The following ZNF468 variants were observed in gnomAD, a reference collection of about 807,000 sequenced individuals.
The protein encoded by ZNF468 is zinc finger protein 468.
A neutral mutation model predicts 7.2 loss-of-function variants in ZNF468; 8 were observed. The ratio of observed to expected loss-of-function variants is 1.11; its 90% CI spans 0.65 to 2.01. The LOEUF is 2.01. Among genes scored for constraint, ZNF468 ranks in the 30% most tolerant of loss-of-function variants. The probability of loss-of-function intolerance (pLI) is 0.00; values close to 1 mark genes in which losing one functional copy is unlikely to be tolerated. For synonymous variants in ZNF468, 218 were observed against 214.4 expected (o/e 1.02, Z -0.15); for missense variants, 608 against 626.5 (o/e 0.97, Z 0.31).
chr19:52,840,388 TA>T lies in ZNF468; in HGVS notation c.*336del. The T allele has an allele frequency of 1.9e-6, 1 of 533,892 alleles. No individual in the cohort carries two copies. The highest frequency in any genetic ancestry group is 3.5e-6 in the Non-Finnish European group (1 of 286,802). 33.1% of individuals were successfully genotyped at this position (533,892 alleles called of 1,614,324 possible). On this transcript the variant is annotated 3_prime_UTR_variant, in exon 4 of 4. Transcript: ENST00000595646. ...GGTCTTGCCACACTCATTACACTTATAATGAGTTTCTCTCCAGTGTGAATTC... is the reference window on the plus strand; with the variant it reads ...GGTCTTGCCACACTCATTACACTTATATGAGTTTCTCTCCAGTGTGAATTC...
intron 2 of ZNF468, 58 bp from the exon 3 acceptor site, chr19:52,849,271 A>C (rs1234505493): frequency 6.2e-7 from 1 of 1,610,692 alleles, no homozygotes; most frequent in Non-Finnish European, 8.5e-7. Context: ...ATCTTTACAA[A>C]AAATGAGAGG....
At chr19:52,844,044 C>A (rs1282582461) in intron 3 of ZNF468, among the ~76,000 whole-genome samples, 3 of 152,150 alleles carry the variant, frequency 2.0e-5, no homozygotes, top group African/African-American at 7.2e-5. Flanking sequence ...CATTTGAACC[C>A]AGGAGGCGGA....
Position 52,844,885 on chromosome 19 carries a change from C to A in ZNF468, c.143-2734G>T, listed in dbSNP as rs185127048. On this transcript the variant is annotated intron_variant, in intron 3 of 3. Transcript: ENST00000595646. ...GACAGTGAAATGACAGAGACAGGAA[C>A]AGGAGCATCTCATCATCAACATCAC... is the stretch of plus-strand genomic sequence containing the variant. Among the ~76,000 whole-genome samples, 4 of 152,202 alleles carry A rather than the reference C, an allele frequency of 2.6e-5. No homozygotes were observed. In the East Asian group the frequency reaches 5.8e-4, roughly 22 times the overall value.
intron 2 of ZNF468, chr19:52,853,768 T>G: frequency 1.3e-6 from 1 of 784,606 alleles, no homozygotes; most frequent in Non-Finnish European, 1.6e-6. Flanking sequence ...ATTAGTAAGA[T>G]TTTTGGAGTC....
intron 3 of ZNF468, among the ~76,000 whole-genome samples, chr19:52,846,105 A>C (rs1479924350): frequency 6.6e-6 from 1 of 152,190 alleles, no homozygotes; most frequent in South Asian, 2.1e-4. Context: ...ATTTGAAATA[A>C]AAGGCATGAA....
At chr19:52,848,997 T>C in intron 3 of ZNF468, 90 bp downstream of exon 3, 4 of 1,109,058 alleles carry the variant, frequency 3.6e-6, no homozygotes, top group Non-Finnish European at 4.7e-6. Context: ...GCTTCCATTT[T>C]AGTCAAGGAA....
chr19:52,841,172 A>G lies in ZNF468; in HGVS notation c.1122T>C (p.His374=), dbSNP rs568550075. The change falls in exon 4 of 4, where the codon CAT becomes CAC. Residue 374 remains histidine (H), a synonymous_variant. Transcript: ENST00000595646. ...FNRLSTLARH[H]RLHTGEKPYK... is the part of the protein sequence containing the mutation. ...AAGGTTTCTCTCCAGTATGAAGTCT[A>G]TGATGGCGTGCAAGGGTTGATAGTC... 1.9e-6 allele frequency: 3 copies of G among 1,612,558 alleles called. No individual in the cohort carries two copies. Among genetic ancestry groups the G allele is most frequent in the Non-Finnish European group, 2.5e-6 (3 of 1,179,404 alleles).
chr19:52,843,063 G>A (rs1230955651), intron 3 of ZNF468, among the ~76,000 whole-genome samples: 1 of 147,790 alleles, frequency 6.8e-6, no homozygotes, highest in Non-Finnish European at 1.5e-5. Flanking sequence ...AAAGATTGTG[G>A]TGAGTTGAGA....
At chr19:52,853,036 T>C (rs562135852) in intron 2 of ZNF468, among the ~76,000 whole-genome samples, 1 of 151,906 alleles carries the variant, frequency 6.6e-6, no homozygotes, top group East Asian at 2.0e-4. Context: ...TTGTATTTTT[T>C]AATAGAGACA....
rs752092917 is a variant in ZNF468, at chr19:52,841,337, C to T, written c.957G>A (p.Arg319=). 3.1e-6 allele frequency: 5 copies of T among 1,613,854 alleles called. No homozygotes were observed. Among genetic ancestry groups the T allele is most frequent in the Non-Finnish European group, 4.2e-6 (5 of 1,179,954 alleles). The change falls in exon 4 of 4, where the codon AGG becomes AGA. Residue 319 remains arginine (R), a synonymous_variant. Coordinates refer to ENST00000595646, the MANE Select transcript of ZNF468 (RefSeq NM_001008801.2). ...SRKSHLERHK[R]IHTGEKPYKC... is the part of the protein sequence containing the mutation. ...TGTATGGTTTCTCTCCAGTATGAATCCTCTTATGTCTTTCAAGGTGTGATT... is the reference window on the plus strand; with the variant it reads ...TGTATGGTTTCTCTCCAGTATGAATTCTCTTATGTCTTTCAAGGTGTGATT...
intron 3 of ZNF468, chr19:52,846,582 T>C (rs1204458969): frequency 6.5e-6 from 1 of 154,912 alleles, no homozygotes; most frequent in African/African-American, 2.4e-5. Context: ...TCTGCCCAAA[T>C]ATCTGTACAA....
Position 52,849,171 on chromosome 19 carries a change from C to G in ZNF468, c.58G>C (p.Glu20Gln). The G allele has an allele frequency of 6.2e-7, 1 of 1,613,956 alleles. No individual in the cohort carries two copies. The highest frequency in any genetic ancestry group is 8.5e-7 in the Non-Finnish European group (1 of 1,179,910). Reference sequence around the variant, plus strand: ...GCAGGGTCCAGGCATTTCCACTCCTCCTGAGAGAATTCTATGGCCACGTCC... The same window carrying G: ...GCAGGGTCCAGGCATTTCCACTCCTGCTGAGAGAATTCTATGGCCACGTCC... ...FRDVAIEFSQ[E>Q]EWKCLDPAQR... is the part of the protein sequence containing the mutation. The change falls in exon 3 of 4, where the codon GAG (glutamate) becomes CAG (glutamine). Residue 20 changes from glutamate (E) to glutamine (Q), a missense_variant. Physicochemically the swap from Glu to Gln is conservative, Grantham distance 29. Coordinates refer to ENST00000595646, the MANE Select transcript of ZNF468 (RefSeq NM_001008801.2).
intron 2 of ZNF468, among the ~76,000 whole-genome samples, chr19:52,853,547 T>C (rs1188993612): frequency 6.6e-6 from 1 of 151,944 alleles, no homozygotes; most frequent in Non-Finnish European, 1.5e-5. Context: ...AAAAATTAGC[T>C]GGGCGTGGTG....
At chr19:52,853,145 G>A (rs532959375) in intron 2 of ZNF468, among the ~76,000 whole-genome samples, 31 of 152,120 alleles carry the variant, frequency 2.0e-4, no homozygotes, top group East Asian at 5.8e-4. Flanking sequence ...GTGAGCCACC[G>A]CGCGTGGCCC....
chr19:52,849,333 C>T lies in ZNF468; in HGVS notation c.16-120G>A. 3.9e-6 allele frequency: 6 copies of T among 1,554,000 alleles called. No homozygotes were observed. The South Asian group carries it at 7.3e-5, about 19-fold the overall frequency. ...ACTGTAGAGAATGTTCTGACAAATC[C>T]AAATAAGGGATTTCTCACTACATGA... On this transcript the variant is annotated intron_variant, in intron 2 of 3. Transcript: ENST00000595646.
chr19:52,850,489 C>A (rs7257841), intron 2 of ZNF468, among the ~76,000 whole-genome samples: 72,068 of 151,976 alleles, frequency 0.47, 17,692 homozygotes, highest in South Asian at 0.62. Context: ...CATGTAAATT[C>A]ACAATTAGCA....
intron 2 of ZNF468, 77 bp downstream of exon 2, chr19:52,854,181 C>T (rs764279382): frequency 1.9e-6 from 3 of 1,610,556 alleles, no homozygotes; most frequent in Non-Finnish European, 2.5e-6. Flanking sequence ...TCATTCAGAC[C>T]CAGACATTCC....
At chr19:52,848,824 G>A (rs977314118) in intron 3 of ZNF468, among the ~76,000 whole-genome samples, 8 of 152,054 alleles carry the variant, frequency 5.3e-5, no homozygotes, top group Admixed American at 1.3e-4. Flanking sequence ...GTACTGGGAT[G>A]ACAGGTGTGA....
chr19:52,855,411 A>G (rs189758013), intron 1 of ZNF468, among the ~76,000 whole-genome samples: 746 of 152,260 alleles, frequency 4.9e-3, no homozygotes, highest in African/African-American at 0.017. Context: ...GTTTGAAAAA[A>G]GAGAAAAGCA....
Sources: allele counts gnomAD v4.1 joint callset (sites outside exome capture counted in the v4.1 genomes callset), GRCh38; gene constraint gnomAD v4.1.1; transcripts MANE v1.5; gene names NCBI Gene and HGNC (gene_info 2026-07-23, HGNC 2026-07-21).